The following ZFAT variants were observed in gnomAD, a reference collection of about 807,000 sequenced individuals.
ZFAT encodes zinc finger and AT-hook domain containing, also known as zinc finger protein ZFAT.
A neutral mutation model predicts 117.7 loss-of-function variants in ZFAT; 64 were observed. That is an observed-to-expected ratio of 0.54 (90% CI 0.44 to 0.67). The LOEUF is 0.67. Among genes scored for constraint, ZFAT ranks in the 30% least tolerant of loss-of-function variants. ZFAT has a pLI of 0.00. For missense variants in ZFAT, 1,433 were observed against 1,584.5 expected (o/e 0.90, Z 1.62); for synonymous variants, 679 against 615.0 (o/e 1.10, Z -1.54).
intron 1 of ZFAT, among the ~76,000 whole-genome samples, chr8:134,664,212 T>C (rs1832088609): frequency 6.6e-6 from 1 of 151,350 alleles, no homozygotes; most frequent in Non-Finnish European, 1.5e-5. Context: ...CACTCTACAG[T>C]ACAGGACGGA....
chr8:134,666,291 G>A (rs1045970433), intron 1 of ZFAT, among the ~76,000 whole-genome samples: 1 of 152,152 alleles, frequency 6.6e-6, no homozygotes, highest in Non-Finnish European at 1.5e-5. Flanking sequence ...TAACAAGGCA[G>A]TACCCCCTTG....
chr8:134,502,349 C>T (rs1427615383), intron 15 of ZFAT, among the ~76,000 whole-genome samples: 2 of 152,146 alleles, frequency 1.3e-5, no homozygotes, highest in African/African-American at 4.8e-5. Context: ...TTACTCAGTG[C>T]CTTAAATTAA....
intron 10 of ZFAT, among the ~76,000 whole-genome samples, chr8:134,573,032 G>C (rs1228423502): frequency 2.6e-5 from 4 of 152,206 alleles, no homozygotes; most frequent in African/African-American, 9.6e-5. Context: ...GAAGTTCAAA[G>C]ACAGAGAAAA....
Position 134,584,009 on chromosome 8 carries a change from C to A in ZFAT, c.2714-4G>T, listed in dbSNP as rs1363960974. On this transcript the variant is annotated splice_polypyrimidine_tract_variant and splice_region_variant and intron_variant, in intron 9 of 15. Transcript: ENST00000377838. ...GAACACTTGAAGGGCTTCACACCTG[C>A]CAAGGGAAAAATGTATATATCTCTA... The A allele has an allele frequency of 6.4e-7, 1 of 1,550,912 alleles. No individual in the cohort carries two copies. The highest frequency in any genetic ancestry group is 2.0e-5 in the Admixed American group (1 of 50,742).
chr8:134,505,195 G>A (rs1399245034), intron 15 of ZFAT, among the ~76,000 whole-genome samples: 1 of 152,172 alleles, frequency 6.6e-6, no homozygotes, highest in Non-Finnish European at 1.5e-5. Flanking sequence ...TAAAACGTAA[G>A]CTTCTCGACC....
In ZFAT at chr8:134,610,498, CA is replaced by C. The variant is rs750454391; in HGVS notation, c.605del (p.Val202GlyfsTer3). 1 of 1,614,070 alleles carries C rather than the reference CA, an allele frequency of 6.2e-7. No homozygotes were observed. The highest frequency in any genetic ancestry group is 1.7e-5 in the Admixed American group (1 of 60,002). The stretch of plus-strand genomic sequence containing the variant: ...GAATTGCTTCGTGTGCAGTTAAAAC[CA>C]CACTTATGATGGGTTTCTTCGCCCC... ...LSGAKKPIIS[V>X]VLTAHEAIPG... On this transcript the variant is annotated frameshift_variant, in exon 4 of 16. Transcript: ENST00000377838. LOFTEE classifies it high-confidence loss of function.
intron 1 of ZFAT, among the ~76,000 whole-genome samples, chr8:134,711,686 TA>T (rs1246852061): frequency 6.6e-6 from 1 of 152,176 alleles, no homozygotes; most frequent in Non-Finnish European, 1.5e-5. Context: ...CCTGACCCAA[TA>T]TTCGGCTCTG....
intron 9 of ZFAT, among the ~76,000 whole-genome samples, chr8:134,587,776 CT>C (rs1367115941): frequency 1.3e-5 from 2 of 152,244 alleles, no homozygotes; most frequent in Non-Finnish European, 2.9e-5. Flanking sequence ...CCATTCTGCC[CT>C]TCCACCTTCT....
chr8:134,488,474 C>T (rs951153524), intron 15 of ZFAT, among the ~76,000 whole-genome samples: 11 of 152,302 alleles, frequency 7.2e-5, no homozygotes, highest in African/African-American at 1.9e-4. Flanking sequence ...GTTTAGACAC[C>T]GCTAAGAGAT....
chr8:134,646,040 T>TAA (rs35985182), intron 2 of ZFAT, among the ~76,000 whole-genome samples: 117 of 147,552 alleles, frequency 7.9e-4, no homozygotes, highest in Admixed American at 3.7e-3. Context: ...CGTCTCTACT[T>TAA]AAAAAAAAAA....
Position 134,712,386 on chromosome 8 carries a change from A to C in ZFAT, c.19+459T>G, listed in dbSNP as rs567168290. Among the ~76,000 whole-genome samples, 280 of 152,304 alleles carry C rather than the reference A, an allele frequency of 1.8e-3. 3 individuals carry two copies. Among genetic ancestry groups the C allele is most frequent in the East Asian group, 1.2e-3 (6 of 5,180 alleles). On this transcript the variant is annotated intron_variant, in intron 1 of 15. Transcript: ENST00000377838. The stretch of plus-strand genomic sequence containing the variant: ...ACTTGCACCGGGTGTCAAGTGGAAG[A>C]TCTGTCACTCTATTAGGTCCAGCCG...
chr8:134,685,268 A>G (rs1833265071), intron 1 of ZFAT, among the ~76,000 whole-genome samples: 1 of 151,874 alleles, frequency 6.6e-6, no homozygotes, highest in African/African-American at 2.4e-5. Context: ...CCAGAACTTA[A>G]CCAAGACCCA....
the ZFAT span, among the ~76,000 whole-genome samples, chr8:134,769,245 T>C: frequency 6.6e-6 from 1 of 152,176 alleles, no homozygotes; most frequent in Non-Finnish European, 1.5e-5. Flanking sequence ...CTTTCACCTA[T>C]GAGCCTGTAA....
chr8:134,588,236 G>T lies in ZFAT; in HGVS notation c.2713+10C>A. ...AGAAAGGTGCCCAATTTGGAAAGAT[G>T]AATACTCACCTTCATGAGCCCAAAT... On this transcript the variant is annotated intron_variant, in intron 9 of 15. Transcript: ENST00000377838. 6.4e-7 allele frequency: 1 copy of T among 1,550,630 alleles called. No individual in the cohort carries two copies. Among genetic ancestry groups the T allele is most frequent in the Non-Finnish European group, 8.7e-7 (1 of 1,147,626 alleles).
At chr8:134,823,731 G>A in the ZFAT span, among the ~76,000 whole-genome samples, 3 of 152,162 alleles carry the variant, frequency 2.0e-5, no homozygotes, top group African/African-American at 7.2e-5. Flanking sequence ...GGCAGCCAAG[G>A]CTGTATAGAA....
At chr8:134,594,924 T>G (rs1380282538) in intron 7 of ZFAT, 1 of 152,232 alleles carries the variant, frequency 6.6e-6, no homozygotes, top group Non-Finnish European at 1.5e-5. Context: ...ATCATAAACA[T>G]CTGCCAGATG....
chr8:134,722,428 C>T, the ZFAT span, among the ~76,000 whole-genome samples: 2 of 152,218 alleles, frequency 1.3e-5, no homozygotes, highest in African/African-American at 4.8e-5. Context: ...CCGGCAGCCT[C>T]CACCAAAGAC....
In ZFAT at chr8:134,520,996, A is replaced by G. The variant is rs1260704435; in HGVS notation, c.3121T>C (p.Leu1041=). The change falls in exon 13 of 16, where the codon TTG becomes CTG. Residue 1041 remains leucine, a synonymous_variant. Transcript: ENST00000377838. ...ACAAAGCTGCAAACAGGACACTTCA[A>G]ACCACCTGAAAGCACAGACAGAGGT... ...AAEVLIQQGG[L]KCPVCSFVYG... The G allele has an allele frequency of 6.2e-7, 1 of 1,612,732 alleles. No homozygotes were observed. Among genetic ancestry groups the G allele is most frequent in the Non-Finnish European group, 8.5e-7 (1 of 1,179,342 alleles).
chr8:134,828,793 A>T, the ZFAT span, among the ~76,000 whole-genome samples: 2 of 152,040 alleles, frequency 1.3e-5, no homozygotes, highest in Non-Finnish European at 2.9e-5. Context: ...AAGGGAAAAA[A>T]CTCCTTTGAA....
Sources: gnomAD v4.1 joint callset for allele counts (sites outside exome capture counted in the v4.1 genomes callset) on GRCh38, gnomAD v4.1.1 for gene constraint, MANE v1.5 for transcripts, NCBI Gene and HGNC (gene_info 2026-07-23, HGNC 2026-07-21) for gene names.